Variants in THSD7B observed in about 807,000 individuals in gnomAD.
THSD7B encodes the protein thrombospondin type 1 domain containing 7B.
In THSD7B, 138 loss-of-function variants were observed where a neutral mutation model predicts 213.6. The ratio of observed to expected loss-of-function variants is 0.65; its 90% confidence interval spans 0.56 to 0.74. The LOEUF is 0.74. THSD7B is among the 30% of genes least tolerant of loss of function. THSD7B has a pLI of 0.00. For missense variants in THSD7B, 1,931 were observed against 1,991.5 expected, an observed-to-expected ratio of 0.97 and a Z score of 0.58; for synonymous variants, 742 against 687.0, an observed-to-expected ratio of 1.08 and a Z score of -1.25.
At chr2:137,653,004 G>A (rs548449783) in intron 21 of THSD7B, among the ~76,000 whole-genome samples, 1 of 152,158 alleles carries the variant, frequency 6.6e-6, no homozygotes, top group South Asian at 2.1e-4. Flanking sequence ...ACAGTATTAG[G>A]ATATTCCATG....
intron 5 of THSD7B, among the ~76,000 whole-genome samples, chr2:137,149,926 G>A (rs111779879): frequency 0.079 from 12,101 of 152,234 alleles, 628 homozygotes; most frequent in Non-Finnish European, 0.12. Flanking sequence ...GAACTTTTGG[G>A]AAGACATGAT....
intron 2 of THSD7B, among the ~76,000 whole-genome samples, chr2:136,890,356 TTC>T (rs1361638093): frequency 0.062 from 364 of 5,884 alleles, 83 homozygotes; most frequent in African/African-American, 0.16. Flanking sequence ...CTTCTTCTTC[TTC>T]TTCTTCTTCT....
rs140188151 is a variant in THSD7B at position 137,467,448 on chromosome 2, C to G, written c.3138+16425C>G. Among the ~76,000 whole-genome samples the G allele has an allele frequency of 6.4e-4, 98 of 152,220 alleles. 1 individual carries two copies. Among genetic ancestry groups the G allele is most frequent in the African/African-American group, 2.3e-3 (95 of 41,544 alleles). ...GAAAGGAGATAGCCTGCAATTCTAA[C>G]AGCTGCCAGATGAGGGCAAAGCTGC... On this transcript the variant is annotated intron_variant, in intron 15 of 27. Coordinates refer to ENST00000409968, the MANE Select transcript of THSD7B (RefSeq NM_001316349.2).
chr2:137,502,264 T>A (rs1282716597), intron 15 of THSD7B, among the ~76,000 whole-genome samples: 1 of 132,494 alleles, frequency 7.5e-6, no homozygotes, highest in Non-Finnish European at 1.7e-5. Flanking sequence ...AGTAGTTAAC[T>A]ATGCAACATA....
intron 15 of THSD7B, among the ~76,000 whole-genome samples, chr2:137,526,689 G>T (rs1411487764): frequency 6.6e-6 from 1 of 152,096 alleles, no homozygotes; most frequent in Non-Finnish European, 1.5e-5. Flanking sequence ...CTCCCAAAGT[G>T]CTGGGATTAC....
At chr2:137,405,935 A>G (rs1686507743) in intron 13 of THSD7B, 128 bp downstream of exon 13, 2 of 736,198 alleles carry the variant, frequency 2.7e-6, no homozygotes, top group South Asian at 2.1e-5. Context: ...TCGTTAATAC[A>G]TATCCTCAAA....
chr2:137,049,429 T>C (rs1411145549), intron 2 of THSD7B, among the ~76,000 whole-genome samples: 3 of 152,250 alleles, frequency 2.0e-5, no homozygotes, highest in Admixed American at 6.5e-5. Flanking sequence ...CTTGTGCAGG[T>C]TCTTTGATCT....
intron 12 of THSD7B, among the ~76,000 whole-genome samples, chr2:137,386,377 C>G (rs960506786): frequency 1.3e-5 from 2 of 152,106 alleles, no homozygotes; most frequent in African/African-American, 4.8e-5. Flanking sequence ...CAATTGCTTC[C>G]CACTCTCTCA....
chr2:137,139,530 G>T (rs939661053), intron 5 of THSD7B, among the ~76,000 whole-genome samples: 1 of 152,158 alleles, frequency 6.6e-6, no homozygotes, highest in Non-Finnish European at 1.5e-5. Flanking sequence ...CCCAATCAAA[G>T]TAGGAACATG....
At chr2:137,265,468 G>A (rs113600666) in intron 10 of THSD7B, among the ~76,000 whole-genome samples, 10,454 of 152,154 alleles carry the variant, frequency 0.069, 504 homozygotes, top group African/African-American at 0.13. Context: ...TACTGGGTAT[G>A]TACCCAAAGG....
At chr2:136,881,603 A>T (rs1683624218) in intron 1 of THSD7B, among the ~76,000 whole-genome samples, 1 of 152,068 alleles carries the variant, frequency 6.6e-6, no homozygotes, top group South Asian at 2.1e-4. Context: ...TTTTTTGTAC[A>T]GAAGAAACTT....
chr2:137,396,099 C>T (rs938423301), intron 12 of THSD7B, among the ~76,000 whole-genome samples: 1 of 148,932 alleles, frequency 6.7e-6, no homozygotes, highest in Non-Finnish European at 1.5e-5. Context: ...TTTTGTTGAT[C>T]CTTTCAAAAA....
intron 2 of THSD7B, among the ~76,000 whole-genome samples, chr2:136,972,022 T>A (rs1685413086): frequency 6.6e-6 from 1 of 152,160 alleles, no homozygotes; most frequent in South Asian, 2.1e-4. Context: ...TTCTGATACC[T>A]CTTATAATCT....
At chr2:137,256,663 C>A (rs1313836130) in intron 10 of THSD7B, among the ~76,000 whole-genome samples, 1 of 151,898 alleles carries the variant, frequency 6.6e-6, no homozygotes, top group Non-Finnish European at 1.5e-5. Flanking sequence ...TAAATTTTAA[C>A]CATGAGTGTG....
At chr2:137,382,846 G>A (rs1280641947) in intron 12 of THSD7B, among the ~76,000 whole-genome samples, 1 of 152,138 alleles carries the variant, frequency 6.6e-6, no homozygotes, top group African/African-American at 2.4e-5. Context: ...TTTAAGGAAG[G>A]GTGTCCCCCA....
At chr2:137,578,128 G>T (rs73958899) in intron 17 of THSD7B, among the ~76,000 whole-genome samples, 36,645 of 152,086 alleles carry the variant, frequency 0.24, 4,533 homozygotes, top group South Asian at 0.35. Context: ...CACCATGGCT[G>T]TCTAGCTAGA....
At chr2:137,054,832 T>G (rs1343737085) in intron 2 of THSD7B, among the ~76,000 whole-genome samples, 1 of 152,022 alleles carries the variant, frequency 6.6e-6, no homozygotes, top group East Asian at 1.9e-4. Flanking sequence ...GTTACATAGG[T>G]ATACATGTGC....
chr2:137,445,293 G>T (rs1481419344), intron 14 of THSD7B, among the ~76,000 whole-genome samples: 1 of 151,902 alleles, frequency 6.6e-6, no homozygotes, highest in East Asian at 1.9e-4. Flanking sequence ...ATATATCAAA[G>T]TATCAGCACT....
chr2:137,193,086 C>T (rs1262633201), intron 7 of THSD7B, among the ~76,000 whole-genome samples: 2 of 152,104 alleles, frequency 1.3e-5, no homozygotes, highest in African/African-American at 4.8e-5. Flanking sequence ...CTCACCGCTC[C>T]ACCCCTGCAG....
Sources: allele counts gnomAD v4.1 joint callset (sites outside exome capture counted in the v4.1 genomes callset), GRCh38; gene constraint gnomAD v4.1.1; transcripts MANE v1.5; gene names NCBI Gene and HGNC (gene_info 2026-07-23, HGNC 2026-07-21).